BPTF: variants seen among roughly 807,000 people sequenced by gnomAD.
BPTF encodes bromodomain PHD finger transcription factor.
In BPTF, 18 loss-of-function variants were observed where a neutral mutation model predicts 292.5. The observed-to-expected ratio is 0.06, with a 90% CI of 0.04 to 0.09. The LOEUF is 0.09. Among genes scored for constraint, BPTF ranks in the 10% least tolerant of loss-of-function variants. The pLI, the probability that BPTF is intolerant of heterozygous loss-of-function variation, is 1.00. For missense variants in BPTF, 2,726 were observed against 3,498.7 expected, an observed-to-expected ratio of 0.78 and a Z score of 5.57; for synonymous variants, 1,225 against 1,251.9, an observed-to-expected ratio of 0.98 and a Z score of 0.45.
chr17:67,883,623 A>G (rs2060563340), intron 4 of BPTF, among the ~76,000 whole-genome samples: 1 of 152,052 alleles, frequency 6.6e-6, no homozygotes, highest in South Asian at 2.1e-4. Context: ...TTTTTGAGAC[A>G]GAGTATCACT....
rs782712478 is a variant in BPTF, at chr17:67,982,085, T to A, written c.8727-167T>A. On this transcript the variant is annotated intron_variant, in intron 27 of 27. Coordinates refer to ENST00000306378, the MANE Select transcript of BPTF (RefSeq NM_182641.4). ...TAGTGTACAGTGAAAAGTTTTAATATTATAGGTTAAAATTTTCTTAATCGT... is the reference window on the plus strand; with the variant it reads ...TAGTGTACAGTGAAAAGTTTTAATAATATAGGTTAAAATTTTCTTAATCGT... The A allele has an allele frequency of 4.2e-5, 28 of 661,560 alleles. No individual in the cohort carries two copies. In the African/African-American group the frequency reaches 4.7e-4, roughly 11 times the overall value. The allele number at this position is 661,560 out of a possible 1,614,324, so 41.0% of individuals were successfully genotyped here.
intron 7 of BPTF, 88 bp from the exon 8 acceptor site, chr17:67,903,696 CTGCTT>C: frequency 8.4e-7 from 1 of 1,193,846 alleles, no homozygotes; most frequent in Non-Finnish European, 1.1e-6. Context: ...TTATAACAGT[CTGCTT>C]TGTTTTCCTA....
Position 67,940,558 on chromosome 17 carries a change from A to ACTT in BPTF, c.6381_6383dup (p.Ser2128dup), listed in dbSNP as rs1568127121. The ACTT allele has an allele frequency of 6.2e-7, 1 of 1,614,140 alleles. No homozygotes were observed. Among genetic ancestry groups the ACTT allele is most frequent in the South Asian group, 1.1e-5 (1 of 91,076 alleles). On this transcript the variant is annotated inframe_insertion, in exon 19 of 28. Transcript: ENST00000306378. The stretch of plus-strand genomic sequence containing the variant: ...GAAAAGCTTAACTTCAGCAACGTCC[A>ACTT]CTTCAAATATACAGTCTTCAGCCTC...
chr17:67,892,306 T>C (rs2061170930), intron 5 of BPTF, among the ~76,000 whole-genome samples: 1 of 152,234 alleles, frequency 6.6e-6, no homozygotes. Context: ...CTACATATAA[T>C]TCTAAAGAAT....
At chr17:67,976,690 A>AT (rs1555694059) in intron 27 of BPTF, among the ~76,000 whole-genome samples, 15 of 32,038 alleles carry the variant, frequency 4.7e-4, no homozygotes, top group East Asian at 1.3e-3. Context: ...TGTCTCAAAA[A>AT]AAAAAAAAAA....
chr17:67,845,373 A>G (rs534553258), intron 1 of BPTF, among the ~76,000 whole-genome samples: 1 of 152,170 alleles, frequency 6.6e-6, no homozygotes, highest in African/African-American at 2.4e-5. Context: ...CTCTATTTCT[A>G]TCATTTCTTT....
chr17:67,934,691 G>A (rs1268526257), intron 18 of BPTF, among the ~76,000 whole-genome samples: 2 of 151,192 alleles, frequency 1.3e-5, no homozygotes, highest in Non-Finnish European at 3.0e-5. Flanking sequence ...AACCAACATG[G>A]TGAAACCCCG....
chr17:67,872,590 C>T (rs1185926545), intron 3 of BPTF, among the ~76,000 whole-genome samples: 1 of 152,018 alleles, frequency 6.6e-6, no homozygotes, highest in Non-Finnish European at 1.5e-5. Context: ...CCTATAGTCT[C>T]AGCTACTTGG....
chr17:67,880,690 G>T (rs1193721748), intron 4 of BPTF, among the ~76,000 whole-genome samples: 7 of 152,116 alleles, frequency 4.6e-5, no homozygotes, highest in African/African-American at 1.7e-4. Context: ...AGGCTGGATT[G>T]CCGTAAAGTG....
intron 27 of BPTF, among the ~76,000 whole-genome samples, chr17:67,980,477 T>G (rs1192951508): frequency 6.6e-6 from 1 of 152,222 alleles, no homozygotes; most frequent in Non-Finnish European, 1.5e-5. Flanking sequence ...GCTTTTTCAT[T>G]TGTACATCGT....
intron 9 of BPTF, 62 bp from the exon 10 acceptor site, chr17:67,909,520 G>T: frequency 9.7e-7 from 1 of 1,033,726 alleles, no homozygotes; most frequent in South Asian, 2.6e-5. Context: ...CACTAAACTT[G>T]ACATATTAAA....
intron 4 of BPTF, among the ~76,000 whole-genome samples, chr17:67,879,241 A>G (rs892698815): frequency 6.7e-5 from 10 of 150,018 alleles, no homozygotes; most frequent in Non-Finnish European, 1.3e-4. Flanking sequence ...TTCCTGTTTC[A>G]AGCGATTCTC....
chr17:67,850,071 C>G (rs761313790), intron 1 of BPTF, among the ~76,000 whole-genome samples: 4 of 152,148 alleles, frequency 2.6e-5, no homozygotes, highest in African/African-American at 4.8e-5. Context: ...ACGTAGAAAT[C>G]AAAACACATT....
At chr17:67,938,873 G>C (rs542022662) in intron 18 of BPTF, among the ~76,000 whole-genome samples, 10 of 152,198 alleles carry the variant, frequency 6.6e-5, no homozygotes, top group Non-Finnish European at 1.0e-4. Flanking sequence ...AGTGTGTGGA[G>C]AGTGAATTCA....
At chr17:67,829,416 G>A (rs2056440909) in intron 1 of BPTF, among the ~76,000 whole-genome samples, 1 of 151,552 alleles carries the variant, frequency 6.6e-6, no homozygotes, top group African/African-American at 2.4e-5. Flanking sequence ...GTATACGTGT[G>A]CCATGGTGGC....
At chr17:67,943,232 T>TTTGTGCATTTTGTGCATAAAA (rs1285747265) in intron 19 of BPTF, among the ~76,000 whole-genome samples, 8 of 152,176 alleles carry the variant, frequency 5.3e-5, no homozygotes, top group Non-Finnish European at 1.2e-4. Context: ...TACTTGGTGT[T>TTTGTGCATTTTGTGCATAAAA]TTGTGCATTT....
Position 67,970,873 on chromosome 17 carries a change from C to T in BPTF, c.8539+4217C>T, listed in dbSNP as rs117079868. On this transcript the variant is annotated intron_variant, in intron 26 of 27. Coordinates refer to ENST00000306378, the MANE Select transcript of BPTF (RefSeq NM_182641.4). ...TTTTGCTAGTATAAACAACATGCCA[C>T]TGGACATCTTTGTTTATACATCTGC... Among the ~76,000 whole-genome samples, 1,255 of 152,300 alleles carry T rather than the reference C, an allele frequency of 8.2e-3. 10 individuals carry two copies. The highest frequency in any genetic ancestry group is 0.021 in the South Asian group (99 of 4,826).
intron 23 of BPTF, among the ~76,000 whole-genome samples, chr17:67,949,434 G>A (rs1160223732): frequency 6.6e-6 from 1 of 151,718 alleles, no homozygotes; most frequent in Non-Finnish European, 1.5e-5. Context: ...AATTAGCTGG[G>A]CGTGGTGGCA....
intron 6 of BPTF, 29 bp downstream of exon 6, chr17:67,893,754 T>G (rs2061270225): frequency 1.4e-6 from 2 of 1,433,782 alleles, no homozygotes; most frequent in Admixed American, 2.0e-5. Context: ...AATTTATTGC[T>G]GTAAATATAC....
Sources: allele counts gnomAD v4.1 joint callset (sites outside exome capture counted in the v4.1 genomes callset), GRCh38; gene constraint gnomAD v4.1.1; transcripts MANE v1.5; gene names NCBI Gene and HGNC (gene_info 2026-07-23, HGNC 2026-07-21).